Variants in CSMD1 observed in about 807,000 individuals in gnomAD.
The protein encoded by CSMD1 is CUB and sushi domain-containing protein 1.
CSMD1 carries 213 observed loss-of-function variants against 417.5 expected under a neutral mutation model. The observed-to-expected ratio is 0.51, with a 90% confidence interval of 0.46 to 0.57. The LOEUF is 0.57. Ranked by LOEUF, CSMD1 falls within the 20% of genes least tolerant of loss-of-function variation. The pLI, the probability that CSMD1 is intolerant of heterozygous loss-of-function variation, is 0.00. For missense variants in CSMD1, 6,923 were observed against 4,529.7 expected, an observed-to-expected ratio of 1.53 and a Z score of -15.17; for synonymous variants, 2,862 against 1,736.8, an observed-to-expected ratio of 1.65 and a Z score of -16.11.
chr8:3,750,319 T>A (rs901806615), intron 6 of CSMD1, among the ~76,000 whole-genome samples: 2 of 149,918 alleles, frequency 1.3e-5, no homozygotes, highest in African/African-American at 4.9e-5. Context: ...CCACTTTATA[T>A]GTATATATAT....
intron 2 of CSMD1, among the ~76,000 whole-genome samples, chr8:4,554,023 C>T (rs1044849996): frequency 6.6e-6 from 1 of 152,166 alleles, no homozygotes; most frequent in Non-Finnish European, 1.5e-5. Flanking sequence ...GCGATCTAAC[C>T]GCCCAGTGTT....
intron 3 of CSMD1, among the ~76,000 whole-genome samples, chr8:4,334,390 C>T (rs537222410): frequency 6.6e-6 from 1 of 152,112 alleles, no homozygotes; most frequent in Admixed American, 6.6e-5. Context: ...TTCATTCAAT[C>T]TGAGGGGAAC....
At chr8:4,133,089 C>T (rs545482611) in intron 3 of CSMD1, among the ~76,000 whole-genome samples, 380 of 152,158 alleles carry the variant, frequency 2.5e-3, no homozygotes, top group African/African-American at 8.6e-3. Flanking sequence ...GTGTACGCCA[C>T]CATGCCCGGA....
At position 4,583,466 on chromosome 8, in the gene CSMD1, G is replaced by C. The variant is rs1799545295; in HGVS notation, c.302+53876C>G. ...CACTCTGTATCTAGCTGCTCTGATGGGGCCTTGGAGAACCTTTATGTCTAG... is the reference window on the plus strand; with the variant it reads ...CACTCTGTATCTAGCTGCTCTGATGCGGCCTTGGAGAACCTTTATGTCTAG... On this transcript the variant is annotated intron_variant, in intron 2 of 69. Transcript: ENST00000635120. Among the ~76,000 whole-genome samples the C allele has an allele frequency of 2.0e-5, 3 of 152,074 alleles. No homozygotes were observed. The South Asian group carries it at 6.2e-4, about 32-fold the overall frequency.
chr8:4,632,606 C>T (rs1232709491), intron 2 of CSMD1, among the ~76,000 whole-genome samples: 3 of 152,106 alleles, frequency 2.0e-5, no homozygotes, highest in Non-Finnish European at 4.4e-5. Context: ...GGATTATGTT[C>T]TATTAGACAT....
At chr8:3,366,148 T>C (rs1047083163) in intron 20 of CSMD1, among the ~76,000 whole-genome samples, 1 of 152,162 alleles carries the variant, frequency 6.6e-6, no homozygotes, top group East Asian at 1.9e-4. Context: ...AGGAAAACCC[T>C]CTTCGTCCAA....
At chr8:4,295,559 A>G (rs909546880) in intron 3 of CSMD1, among the ~76,000 whole-genome samples, 2 of 144,938 alleles carry the variant, frequency 1.4e-5, no homozygotes, top group African/African-American at 2.5e-5. Flanking sequence ...TCTTAAGATT[A>G]TATGTCATCT....
intron 1 of CSMD1, among the ~76,000 whole-genome samples, chr8:4,831,259 G>C (rs1028215858): frequency 1.3e-5 from 2 of 152,146 alleles, no homozygotes; most frequent in Non-Finnish European, 2.9e-5. Flanking sequence ...CATATTGTAG[G>C]TTTGACTGGG....
intron 3 of CSMD1, among the ~76,000 whole-genome samples, chr8:4,047,216 C>G (rs554337903): frequency 3.8e-4 from 58 of 152,236 alleles, no homozygotes; most frequent in South Asian, 8.3e-4. Context: ...ATGTGTATTT[C>G]AGTCTGACTC....
intron 5 of CSMD1, among the ~76,000 whole-genome samples, chr8:3,916,200 G>C (rs377348742): frequency 1.3e-5 from 2 of 152,092 alleles, no homozygotes; most frequent in East Asian, 1.9e-4. Context: ...TGATGAAGTA[G>C]AGACTTCCAG....
intron 18 of CSMD1, among the ~76,000 whole-genome samples, chr8:3,381,624 A>G (rs1810631985): frequency 6.6e-6 from 1 of 152,186 alleles, no homozygotes. Flanking sequence ...ACAAAATTAT[A>G]ATTAGCCAGT....
chr8:4,315,510 A>G (rs532500492), intron 3 of CSMD1, among the ~76,000 whole-genome samples: 4 of 152,222 alleles, frequency 2.6e-5, no homozygotes, highest in Admixed American at 6.5e-5. Context: ...GTGAACCAAT[A>G]AAGTAGAAAA....
At chr8:2,959,239 G>A (rs192053811) in intron 62 of CSMD1, among the ~76,000 whole-genome samples, 1 of 152,170 alleles carries the variant, frequency 6.6e-6, no homozygotes, top group Non-Finnish European at 1.5e-5. Flanking sequence ...GCACAGCTGT[G>A]ACAACAGGTG....
At chr8:4,740,651 T>C (rs979476602) in intron 1 of CSMD1, among the ~76,000 whole-genome samples, 1 of 152,232 alleles carries the variant, frequency 6.6e-6, no homozygotes, top group Admixed American at 6.5e-5. Context: ...TGTGCAGCTC[T>C]CTGGCTTTTC....
At chr8:4,823,160 C>T (rs1377310142) in intron 1 of CSMD1, among the ~76,000 whole-genome samples, 1 of 152,062 alleles carries the variant, frequency 6.6e-6, no homozygotes, top group Non-Finnish European at 1.5e-5. Context: ...ATCGTCACAA[C>T]TGCTGGTTCC....
chr8:3,412,859 T>C (rs73657850), intron 12 of CSMD1, among the ~76,000 whole-genome samples: 14,996 of 152,010 alleles, frequency 0.099, 959 homozygotes, highest in East Asian at 0.25. Flanking sequence ...AAACCGACAG[T>C]GAGTTCAAAA....
chr8:4,333,059 G>C (rs887732629), intron 3 of CSMD1, among the ~76,000 whole-genome samples: 1 of 151,938 alleles, frequency 6.6e-6, no homozygotes, highest in African/African-American at 2.4e-5. Context: ...AATGTCAAGA[G>C]CGTTTCATAG....
intron 1 of CSMD1, among the ~76,000 whole-genome samples, chr8:4,640,575 CAT>C (rs1803126423): frequency 6.6e-6 from 1 of 152,122 alleles, no homozygotes; most frequent in East Asian, 1.9e-4. Flanking sequence ...ATATTCTATA[CAT>C]GTTTTCTTTG....
intron 57 of CSMD1, among the ~76,000 whole-genome samples, chr8:2,969,060 C>A (rs1194401431): frequency 3.9e-5 from 6 of 152,060 alleles, no homozygotes; most frequent in Non-Finnish European, 8.8e-5. Context: ...TCTGCTCATG[C>A]AAGTTAAATA....
Sources: allele counts gnomAD v4.1 joint callset (sites outside exome capture counted in the v4.1 genomes callset), GRCh38; gene constraint gnomAD v4.1.1; transcripts MANE v1.5; gene names NCBI Gene and HGNC (gene_info 2026-07-23, HGNC 2026-07-21).